CYFIP2: variants seen among roughly 807,000 people sequenced by gnomAD.
CYFIP2 encodes cytoplasmic FMR1-interacting protein 2.
A neutral mutation model predicts 158.7 loss-of-function variants in CYFIP2; 29 were observed. The observed-to-expected ratio is 0.18, with a 90% CI of 0.14 to 0.25. The LOEUF (loss-of-function observed/expected upper bound fraction) is 0.25. Ranked by LOEUF, CYFIP2 falls within the 10% of genes least tolerant of loss-of-function variation. The pLI, the probability that CYFIP2 is intolerant of heterozygous loss-of-function variation, is 1.00. For synonymous variants in CYFIP2, 585 were observed against 617.6 expected, an observed-to-expected ratio of 0.95 and a Z score of 0.78; for missense variants, 852 against 1,639.5, an observed-to-expected ratio of 0.52 and a Z score of 8.29.
chr5:157,383,186 G>A (rs1334387290), intron 27 of CYFIP2, 79 bp from the exon 28 acceptor site: 1 of 1,233,720 alleles, frequency 8.1e-7, no homozygotes, highest in African/African-American at 1.5e-5. Context: ...TACATCATCA[G>A]GTCCTTTGGG....
intron 21 of CYFIP2, among the ~76,000 whole-genome samples, chr5:157,336,474 G>A (rs774481355): frequency 2.0e-5 from 3 of 152,208 alleles, no homozygotes; most frequent in Non-Finnish European, 2.9e-5. Flanking sequence ...TGTGAGATGG[G>A]CTACACTTTC....
At chr5:157,362,103 G>A (rs965300538) in intron 26 of CYFIP2, among the ~76,000 whole-genome samples, 1 of 152,248 alleles carries the variant, frequency 6.6e-6, no homozygotes. Context: ...GTGGGTGGGG[G>A]CTTATAGTCA....
At chr5:157,326,114 C>T (rs1760999686) in intron 17 of CYFIP2, 57 bp from the exon 18 acceptor site, 3 of 1,258,114 alleles carry the variant, frequency 2.4e-6, no homozygotes, top group Non-Finnish European at 3.5e-6. Context: ...AAGTATAAAG[C>T]TGTCTTCCTT....
chr5:157,299,577 T>G (rs1471938473), intron 5 of CYFIP2, among the ~76,000 whole-genome samples: 1 of 152,198 alleles, frequency 6.6e-6, no homozygotes, highest in Admixed American at 6.6e-5. Context: ...AATAGATCTA[T>G]GTATTGTTTT....
chr5:157,363,213 G>A (rs1383951064), intron 26 of CYFIP2: 1 of 152,206 alleles, frequency 6.6e-6, no homozygotes, highest in African/African-American at 2.4e-5. Flanking sequence ...TCCTACAGGT[G>A]TCGAGGTAAC....
chr5:157,309,612 A>T, intron 9 of CYFIP2, 131 bp from the exon 10 acceptor site: 1 of 756,052 alleles, frequency 1.3e-6, no homozygotes, highest in Non-Finnish European at 2.2e-6. Flanking sequence ...TGGTAGCGTC[A>T]TCGGAAGCAG....
intron 1 of CYFIP2, among the ~76,000 whole-genome samples, chr5:157,275,569 A>C (rs182869247): frequency 6.6e-6 from 1 of 152,322 alleles, no homozygotes; most frequent in Admixed American, 6.5e-5. Flanking sequence ...GAAATCAGGA[A>C]GTGTGAGTCT....
In CYFIP2 at chr5:157,358,861, T is replaced by C. The variant is rs200289864; in HGVS notation, c.2674-144T>C. The C allele has an allele frequency of 2.7e-4, 289 of 1,054,058 alleles. No individual in the cohort carries two copies. The East Asian group carries it at 6.7e-3, about 24-fold the overall frequency. 65.3% of individuals were successfully genotyped at this position (1,054,058 alleles called of 1,614,324 possible). A position where few individuals can be genotyped will look rare whatever the true frequency, so the allele number is the denominator to read the frequency against. On this transcript the variant is annotated intron_variant, in intron 23 of 30. Coordinates refer to ENST00000620254, the MANE Select transcript of CYFIP2 (RefSeq NM_001037333.3). ...ACCACACCTCTCTCTATGACCACCA[T>C]TTTGCAAACATATTCATGGGGCTCC... is the stretch of plus-strand genomic sequence containing the variant.
intron 1 of CYFIP2, 109 bp from the exon 2 acceptor site, chr5:157,285,230 T>G: frequency 1.4e-6 from 1 of 703,870 alleles, no homozygotes; most frequent in Non-Finnish European, 2.4e-6. Context: ...GTGGCCTCAA[T>G]GCATTTTAAC....
chr5:157,360,205 TCA>T, intron 24 of CYFIP2, 75 bp from the exon 25 acceptor site: 1 of 1,223,244 alleles, frequency 8.2e-7, no homozygotes, highest in Non-Finnish European at 1.2e-6. Flanking sequence ...CCCCATCCTC[TCA>T]GAGGTCTCAG....
intron 17 of CYFIP2, chr5:157,325,930 T>C: frequency 1.8e-6 from 1 of 544,710 alleles, no homozygotes. Flanking sequence ...TGCTACCTGA[T>C]GTGTTTTAGT....
intron 22 of CYFIP2, 56 bp from the exon 23 acceptor site, chr5:157,341,014 A>G (rs1377379756): frequency 6.6e-7 from 1 of 1,522,880 alleles, no homozygotes; most frequent in Non-Finnish European, 9.1e-7. Flanking sequence ...TCTGTGTCCC[A>G]TGGAGAATAA....
chr5:157,315,779 C>A, intron 13 of CYFIP2, among the ~76,000 whole-genome samples: 1 of 152,138 alleles, frequency 6.6e-6, no homozygotes, highest in East Asian at 1.9e-4. Flanking sequence ...TCAGCTATAT[C>A]ATTGCATGCT....
At chr5:157,377,277 C>T (rs1161526511) in intron 26 of CYFIP2, among the ~76,000 whole-genome samples, 1 of 152,068 alleles carries the variant, frequency 6.6e-6, no homozygotes, top group South Asian at 2.1e-4. Context: ...GCCCACCCCT[C>T]CTTCCTGTCT....
In CYFIP2 at chr5:157,360,815, C is replaced by T. The variant is rs762869131; in HGVS notation, c.2908+443C>T. 2.2e-4 allele frequency among the ~76,000 whole-genome samples: 34 copies of T among 152,172 alleles called. 1 individual carries two copies. Among genetic ancestry groups the T allele is most frequent in the Non-Finnish European group, 4.9e-4 (33 of 68,016 alleles). On this transcript the variant is annotated intron_variant, in intron 25 of 30. Transcript: ENST00000620254. ...TTTGACCGCTGGGCAGAGAAATAAT[C>T]ATTTCCTTCCTTAATAGTGAACTGA...
intron 13 of CYFIP2, among the ~76,000 whole-genome samples, chr5:157,318,168 T>C (rs1333162070): frequency 1.3e-5 from 2 of 152,256 alleles, no homozygotes; most frequent in Non-Finnish European, 2.9e-5. Context: ...CATCAGTGAC[T>C]TTGCCTTTTC....
At chr5:157,293,010 A>ATATG (rs57500401) in intron 3 of CYFIP2, among the ~76,000 whole-genome samples, 5,386 of 144,278 alleles carry the variant, frequency 0.037, 123 homozygotes, top group East Asian at 0.069. Context: ...TTGAGCCCAG[A>ATATG]TATGTATGTA....
Position 157,392,388 on chromosome 5 carries a change from G to A in CYFIP2, c.3595-445G>A, listed in dbSNP as rs1389565489. ...TGGTTACGTCTCTAATCCATTCTGA[G>A]TTAATTTTTTGTATATGGTATAAGG... On this transcript the variant is annotated intron_variant, in intron 30 of 30. Coordinates refer to ENST00000620254, the MANE Select transcript of CYFIP2 (RefSeq NM_001037333.3). Among the ~76,000 whole-genome samples the A allele has an allele frequency of 7.2e-5, 11 of 152,230 alleles. No individual in the cohort carries two copies. The East Asian group carries it at 2.1e-3, about 29-fold the overall frequency.
intron 19 of CYFIP2, among the ~76,000 whole-genome samples, chr5:157,328,278 A>T (rs1761182697): frequency 6.6e-6 from 1 of 152,242 alleles, no homozygotes; most frequent in African/African-American, 2.4e-5. Flanking sequence ...CTAAAAGCCG[A>T]TGAATGCACA....
Sources: allele counts gnomAD v4.1 joint callset (sites outside exome capture counted in the v4.1 genomes callset), GRCh38; gene constraint gnomAD v4.1.1; transcripts MANE v1.5; gene names NCBI Gene and HGNC (gene_info 2026-07-23, HGNC 2026-07-21).